Variants in RAP1GAP2 observed in about 807,000 individuals in gnomAD.
RAP1GAP2 encodes the protein RAP1 GTPase activating protein 2.
In RAP1GAP2, 27 loss-of-function variants were observed where a neutral mutation model predicts 95.0. The observed-to-expected ratio is 0.28, with a 90% CI of 0.21 to 0.39. The LOEUF (loss-of-function observed/expected upper bound fraction) is 0.39, where lower values mean the gene tolerates loss of function less well. Ranked by LOEUF, RAP1GAP2 falls within the 10% of genes least tolerant of loss-of-function variation. The pLI is 1.00. For synonymous variants in RAP1GAP2, 373 were observed against 380.9 expected (o/e 0.98, Z 0.24); for missense variants, 771 against 970.0 (o/e 0.79, Z 2.72).
At chr17:2,915,375 C>T (rs2042539308) in intron 3 of RAP1GAP2, among the ~76,000 whole-genome samples, 1 of 151,944 alleles carries the variant, frequency 6.6e-6, no homozygotes, top group South Asian at 2.1e-4. Flanking sequence ...GGACTACAGG[C>T]TGGTGCCACC....
At chr17:2,948,549 TGAG>T (rs2043793698) in intron 3 of RAP1GAP2, among the ~76,000 whole-genome samples, 2 of 89,222 alleles carry the variant, frequency 2.2e-5, no homozygotes, top group South Asian at 3.6e-4. Flanking sequence ...AGGGTGGTGA[TGAG>T]ATGGAGAGAA....
chr17:2,967,163 T>G (rs2044643529), intron 8 of RAP1GAP2, among the ~76,000 whole-genome samples: 1 of 152,034 alleles, frequency 6.6e-6, no homozygotes, highest in Middle Eastern at 3.4e-3. Context: ...GGTCAGGAGA[T>G]CGAGACCATC....
At chr17:2,874,887 T>G (rs1398740951) in intron 2 of RAP1GAP2, among the ~76,000 whole-genome samples, 1 of 152,142 alleles carries the variant, frequency 6.6e-6, no homozygotes, top group African/African-American at 2.4e-5. Context: ...TCACACAGCC[T>G]CATACTCGCT....
At chr17:2,911,771 A>G (rs112838110) in intron 3 of RAP1GAP2, among the ~76,000 whole-genome samples, 15 of 152,112 alleles carry the variant, frequency 9.9e-5, no homozygotes, top group African/African-American at 3.1e-4. Flanking sequence ...CTGGGACCAT[A>G]GACAGTAAAA....
chr17:2,801,717 T>G (rs1395398755), intron 2 of RAP1GAP2, among the ~76,000 whole-genome samples: 1 of 151,528 alleles, frequency 6.6e-6, no homozygotes, highest in African/African-American at 2.4e-5. Flanking sequence ...CCTGGGGCTT[T>G]CTGAGGCTCC....
At chr17:2,922,235 G>A (rs981264640) in intron 3 of RAP1GAP2, among the ~76,000 whole-genome samples, 1 of 152,142 alleles carries the variant, frequency 6.6e-6, no homozygotes. Flanking sequence ...GAAGGGATTC[G>A]CTAGTCCCTC....
chr17:2,977,126 A>C (rs1021772662), intron 8 of RAP1GAP2, among the ~76,000 whole-genome samples: 2 of 150,728 alleles, frequency 1.3e-5, no homozygotes. Flanking sequence ...TCCATCTCAA[A>C]AAAAAAAAAA....
chr17:2,970,012 G>A lies in RAP1GAP2; in HGVS notation c.596+4369G>A, dbSNP rs1056147396. 1.2e-4 allele frequency among the ~76,000 whole-genome samples: 18 copies of A among 151,856 alleles called. No homozygotes were observed. In the South Asian group the frequency reaches 1.9e-3, roughly 16 times the overall value. ...CCCTGGGCCGGGCATCGTGGTTCACGCCTGTAATCTCAGCACTTTGGGAGG... is the reference window on the plus strand; with the variant it reads ...CCCTGGGCCGGGCATCGTGGTTCACACCTGTAATCTCAGCACTTTGGGAGG... On this transcript the variant is annotated intron_variant, in intron 8 of 24. Transcript: ENST00000254695.
intron 2 of RAP1GAP2, among the ~76,000 whole-genome samples, chr17:2,884,207 C>T (rs891405010): frequency 6.6e-6 from 1 of 152,162 alleles, no homozygotes; most frequent in Admixed American, 6.6e-5. Flanking sequence ...TCAGCGTACT[C>T]AATTCCAGGC....
chr17:2,923,273 C>T (rs1259451855), intron 3 of RAP1GAP2, among the ~76,000 whole-genome samples: 6 of 151,398 alleles, frequency 4.0e-5, no homozygotes, highest in Non-Finnish European at 7.4e-5. Context: ...CTCCTGACCT[C>T]GTGATCTGCC....
intron 2 of RAP1GAP2, among the ~76,000 whole-genome samples, chr17:2,828,297 C>G (rs148084353): frequency 7.4e-4 from 112 of 152,024 alleles, no homozygotes; most frequent in African/African-American, 2.6e-3. Context: ...GCCGAGATCG[C>G]GCCATTGCAC....
intron 2 of RAP1GAP2, among the ~76,000 whole-genome samples, chr17:2,860,212 G>A (rs1597455101): frequency 2.0e-5 from 3 of 152,298 alleles, no homozygotes; most frequent in South Asian, 4.1e-4. Context: ...ATGGCTGCTT[G>A]TTCTCTCCTT....
chr17:3,027,929 G>A lies in RAP1GAP2; in HGVS notation c.2107+859G>A, dbSNP rs1240162686. On this transcript the variant is annotated intron_variant, in intron 22 of 24. Transcript: ENST00000254695. The surrounding 1 kb of genome is among the most constrained non-coding windows in gnomAD (Gnocchi z 5.2). Reference sequence around the variant, plus strand: ...GTTTTGGGGTTCTGTGATCCCTGCAGTTGGTCAGAATAGGGGGGCCAGCAC... The same window carrying A: ...GTTTTGGGGTTCTGTGATCCCTGCAATTGGTCAGAATAGGGGGGCCAGCAC... 6.6e-6 allele frequency among the ~76,000 whole-genome samples: 1 copy of A among 152,090 alleles called. No homozygotes were observed. The highest frequency in any genetic ancestry group is 1.5e-5 in the Non-Finnish European group (1 of 68,002).
chr17:2,996,591 T>A (rs750909797), intron 13 of RAP1GAP2, among the ~76,000 whole-genome samples: 1 of 152,186 alleles, frequency 6.6e-6, no homozygotes, highest in Non-Finnish European at 1.5e-5. Flanking sequence ...AAAGTGGGTT[T>A]TCATTCAACC....
chr17:2,798,945 C>T lies in RAP1GAP2; in HGVS notation c.45-1570C>T, dbSNP rs139813903. ...GCCCCGGTTCCAGCGGTTCCAGCGC[C>T]GACTCCACCTTGACCATTGAGGAAC... On this transcript the variant is annotated intron_variant, in intron 1 of 24. Coordinates refer to ENST00000254695, the MANE Select transcript of RAP1GAP2 (RefSeq NM_015085.5). Among the ~76,000 whole-genome samples the T allele has an allele frequency of 6.4e-3, 970 of 152,326 alleles. 3 individuals carry two copies. Among genetic ancestry groups the T allele is most frequent in the African/African-American group, 0.019 (783 of 41,572 alleles).
At chr17:2,778,737 G>A (rs1184264969) in intron 1 of RAP1GAP2, among the ~76,000 whole-genome samples, 1 of 152,204 alleles carries the variant, frequency 6.6e-6, no homozygotes. Context: ...CTCAATGGGA[G>A]CCCGAGAGAA....
chr17:2,934,009 A>C (rs972885827), intron 3 of RAP1GAP2, among the ~76,000 whole-genome samples: 1 of 152,262 alleles, frequency 6.6e-6, no homozygotes, highest in Non-Finnish European at 1.5e-5. Flanking sequence ...ACGCCCTTAC[A>C]GAGCCTCTTG....
chr17:2,972,355 C>T (rs1416138044), intron 8 of RAP1GAP2, among the ~76,000 whole-genome samples: 1 of 65,212 alleles, frequency 1.5e-5, no homozygotes, highest in African/African-American at 4.5e-5. Flanking sequence ...ATGGGCTGGG[C>T]ACGGTGGCTC....
intron 2 of RAP1GAP2, among the ~76,000 whole-genome samples, chr17:2,875,879 A>G (rs1012761900): frequency 2.0e-5 from 3 of 151,264 alleles, no homozygotes; most frequent in African/African-American, 4.9e-5. Flanking sequence ...TTGCCCCGCC[A>G]AAGTCATCCT....
Sources: allele counts gnomAD v4.1 joint callset (sites outside exome capture counted in the v4.1 genomes callset), GRCh38; gene constraint gnomAD v4.1.1; non-coding constraint Gnocchi (gnomAD v3.1); transcripts MANE v1.5; gene names NCBI Gene and HGNC (gene_info 2026-07-23, HGNC 2026-07-21).